KCNG4: variants seen among roughly 807,000 people sequenced by gnomAD.
KCNG4 encodes potassium voltage-gated channel modifier subfamily G member 4, also known as voltage-gated potassium channel regulatory subunit KCNG4.
Under a neutral mutation model 28.2 loss-of-function variants are expected in KCNG4, and 30 were observed. The observed-to-expected ratio is 1.06, with a 90% confidence interval of 0.80 to 1.44. KCNG4 has a LOEUF of 1.44. KCNG4 is among the 40% of genes most tolerant of loss of function. The pLI, the probability that KCNG4 is intolerant of heterozygous loss-of-function variation, is 0.00. For missense variants in KCNG4, 879 were observed against 712.3 expected, an observed-to-expected ratio of 1.23 and a Z score of -2.66; for synonymous variants, 375 against 315.5, an observed-to-expected ratio of 1.19 and a Z score of -2.00.
intron 2 of KCNG4, among the ~76,000 whole-genome samples, chr16:84,234,955 G>C (rs1904912270): frequency 6.6e-6 from 1 of 152,190 alleles, no homozygotes; most frequent in Non-Finnish European, 1.5e-5. Flanking sequence ...ACCTCAGCCT[G>C]TCTCTGGGCA....
chr16:84,236,554 A>T, intron 2 of KCNG4, 176 bp downstream of exon 2: 15 of 815,160 alleles, frequency 1.8e-5, no homozygotes, highest in African/African-American at 3.5e-5. Context: ...AAAAAAAAAG[A>T]TGGAAAATTA....
In KCNG4 at chr16:84,223,002, A is replaced by G. The variant is rs1024603329; in HGVS notation, c.775T>C (p.Cys259Arg). The G allele has an allele frequency of 6.5e-7, 1 of 1,529,952 alleles. No homozygotes were observed. The highest frequency in any genetic ancestry group is 2.1e-5 in the Admixed American group (1 of 47,654). 94.8% of individuals were successfully genotyped at this position (1,529,952 alleles called of 1,614,324 possible). A position where few individuals can be genotyped will look rare whatever the true frequency, so the allele number is the denominator to read the frequency against. ...GTCTCCACGATGAAAATATAGTAGC[A>G]CTTCCGAGAGCATTCGCCCTGCGGG... is the stretch of plus-strand genomic sequence containing the variant. ...EEDQGECSRK[C>R]YYIFIVETIC... is the part of the protein sequence containing the mutation. The change falls in exon 3 of 3, where the codon TGC (cysteine) becomes CGC (arginine). Residue 259 changes from cysteine (C) to arginine (R), a missense_variant. Physicochemically the swap from Cys to Arg is radical, Grantham distance 180. Coordinates refer to ENST00000308251, the MANE Select transcript of KCNG4 (RefSeq NM_172347.3).
chr16:84,233,450 C>T (rs902598317), intron 2 of KCNG4, among the ~76,000 whole-genome samples: 1 of 152,158 alleles, frequency 6.6e-6, no homozygotes, highest in Non-Finnish European at 1.5e-5. Context: ...TGCTTGTAAT[C>T]CTGGCAGTTT....
At position 84,236,830 on chromosome 16, in the gene KCNG4, G is replaced by T. The variant is rs774022999; in HGVS notation, c.656C>A (p.Pro219His). 6.2e-7 allele frequency: 1 copy of T among 1,613,650 alleles called. No individual in the cohort carries two copies. The highest frequency in any genetic ancestry group is 1.1e-5 in the South Asian group (1 of 91,082). ...EMVENPQSGL[P>H]GKVFACLSIL... Reference sequence around the variant, plus strand: ...GGAGAGGCAAGCGAAGACCTTCCCGGGCAGCCCGGACTGCGGGTTTTCCAC... The same window carrying T: ...GGAGAGGCAAGCGAAGACCTTCCCGTGCAGCCCGGACTGCGGGTTTTCCAC... The change falls in exon 2 of 3, where the codon CCC (proline) becomes CAC (histidine). Residue 219 changes from proline (P) to histidine (H), a missense_variant. Coordinates refer to ENST00000308251, the MANE Select transcript of KCNG4 (RefSeq NM_172347.3).
chr16:84,228,362 C>G (rs1437295115), intron 2 of KCNG4, among the ~76,000 whole-genome samples: 1 of 152,200 alleles, frequency 6.6e-6, no homozygotes, highest in East Asian at 1.9e-4. Flanking sequence ...CCCTCCCTCC[C>G]CTCCCTCCTG....
chr16:84,234,428 C>T lies in KCNG4; in HGVS notation c.756+2302G>A, dbSNP rs1904895863. ...TCCTGACCTCAGGAGATCCACCCAC[C>T]TCGGCTTCCCAGAGTGCTGAGCTTA... On this transcript the variant is annotated intron_variant, in intron 2 of 2. Coordinates refer to ENST00000308251, the MANE Select transcript of KCNG4 (RefSeq NM_172347.3). 2.6e-5 allele frequency among the ~76,000 whole-genome samples: 4 copies of T among 152,150 alleles called. No individual in the cohort carries two copies. In the South Asian group the frequency reaches 8.3e-4, roughly 32 times the overall value.
Position 84,237,060 on chromosome 16 carries a change from G to C in KCNG4, c.426C>G (p.Ser142=), listed in dbSNP as rs1904980553. The part of the protein sequence containing the change: ...LVLLQEMCAL[S]FQEELAYWGI... ...CCCAGTAGGCCAGCTCCTCCTGGAA[G>C]GACAGCGCGCACATCTCCTGCAGAA... Residue 142 remains serine, a synonymous_variant, in exon 2 of 3, where the codon TCC becomes TCG. Transcript: ENST00000308251. The C allele has an allele frequency of 1.2e-6, 2 of 1,614,004 alleles. No individual in the cohort carries two copies. Among genetic ancestry groups the C allele is most frequent in the African/African-American group, 1.3e-5 (1 of 74,930 alleles).
chr16:84,237,660 C>G (rs768603869), intron 1 of KCNG4, 135 bp from the exon 2 acceptor site: 6 of 521,706 alleles, frequency 1.2e-5, no homozygotes, highest in Non-Finnish European at 1.8e-5. Context: ...GTTCTTTTAA[C>G]CTTTAGTTCA....
intron 2 of KCNG4, among the ~76,000 whole-genome samples, chr16:84,233,335 C>T (rs553962965): frequency 3.9e-5 from 6 of 152,312 alleles, no homozygotes; most frequent in African/African-American, 1.4e-4. Flanking sequence ...AGCTGTTTTA[C>T]AAAGTCTGGC....
Position 84,237,461 on chromosome 16 carries a change from C to A in KCNG4, c.25G>T (p.Gly9Cys). MPMPSRDG[G>C]LHPRHHHYGS... ...TAGTGGTGGTGTCTGGGATGCAGGC[C>A]CCCGTCTCTGGAAGGCATGGGCATT... Residue 9 changes from glycine to cysteine, a missense_variant, in exon 2 of 3, where the codon GGC becomes TGC. Coordinates refer to ENST00000308251, the MANE Select transcript of KCNG4 (RefSeq NM_172347.3). 6.7e-7 allele frequency: 1 copy of A among 1,499,792 alleles called. No homozygotes were observed. The allele number at this position is 1,499,792 out of a possible 1,614,324, so 92.9% of individuals were successfully genotyped here.
In KCNG4 at chr16:84,221,909, T is replaced by TA. The variant is rs565658317; in HGVS notation, c.*307dup. 5.7e-4 allele frequency: 214 copies of TA among 374,526 alleles called. 1 individual carries two copies. The East Asian group carries it at 0.012, about 21-fold the overall frequency. 23.2% of individuals were successfully genotyped at this position (374,526 alleles called of 1,614,324 possible). On this transcript the variant is annotated 3_prime_UTR_variant, in exon 3 of 3. Coordinates refer to ENST00000308251, the MANE Select transcript of KCNG4 (RefSeq NM_172347.3). ...GCATCCAGAACCCAGCCTGGGATGT[T>TA]AAAGCCTCTGCTGGGAAGGAAAAGA... is the stretch of plus-strand genomic sequence containing the variant.
intron 2 of KCNG4, among the ~76,000 whole-genome samples, chr16:84,224,489 CTG>C (rs777878512): frequency 2.0e-4 from 30 of 151,980 alleles, no homozygotes; most frequent in African/African-American, 7.3e-4. Context: ...AGCAACTTCT[CTG>C]TGTAAAAGGC....
rs1283708609 is a variant in KCNG4, at chr16:84,221,491, A to T, written c.*726T>A. The T allele has an allele frequency of 6.6e-6, 1 of 151,992 alleles. No individual in the cohort carries two copies. Among genetic ancestry groups the T allele is most frequent in the Non-Finnish European group, 1.5e-5 (1 of 68,054 alleles). 9.4% of individuals were successfully genotyped at this position (151,992 alleles called of 1,614,324 possible). The stretch of plus-strand genomic sequence containing the variant: ...AAAGTGGAGTTTCTGCCCAGGTCCC[A>T]GGTCCCAGGTCCCAGGTCACAGATC... On this transcript the variant is annotated 3_prime_UTR_variant, in exon 3 of 3. Transcript: ENST00000308251.
chr16:84,225,073 C>T (rs969648093), intron 2 of KCNG4, among the ~76,000 whole-genome samples: 5 of 152,158 alleles, frequency 3.3e-5, no homozygotes, highest in African/African-American at 1.2e-4. Context: ...ACCTAGCAGG[C>T]ACAGGATGCG....
At chr16:84,236,445 G>A (rs867508246) in intron 2 of KCNG4, 48 of 481,554 alleles carry the variant, frequency 1.0e-4, no homozygotes, top group East Asian at 7.8e-4. Flanking sequence ...AGGTGACACT[G>A]TGTCTGTGTG....
Position 84,222,224 on chromosome 16 carries a change from T to A in KCNG4, c.1553A>T (p.His518Leu). ...GTCATGGGGGGTGCTGAGTTACATG[T>A]GCATGATAGGCAAGGCTGGGCCCTC... is the stretch of plus-strand genomic sequence containing the variant. The part of the protein sequence containing the change: ...ILEGPALPIM[H>L]M Residue 518 changes from histidine (H) to leucine (L), a missense_variant, in exon 3 of 3, where the codon CAC (histidine) becomes CTC (leucine). Transcript: ENST00000308251. 7 of 1,614,032 alleles carry A rather than the reference T, an allele frequency of 4.3e-6. No homozygotes were observed. Among genetic ancestry groups the A allele is most frequent in the Non-Finnish European group, 5.9e-6 (7 of 1,179,990 alleles).
chr16:84,222,240 C>T lies in KCNG4; in HGVS notation c.1537G>A (p.Ala513Thr), dbSNP rs762736463. 1 of 1,614,126 alleles carries T rather than the reference C, an allele frequency of 6.2e-7. No homozygotes were observed. Among genetic ancestry groups the T allele is most frequent in the South Asian group, 1.1e-5 (1 of 91,066 alleles). Residue 513 changes from alanine (A) to threonine (T), a missense_variant, in exon 3 of 3, where the codon GCC becomes ACC. Ala to Thr is a moderately conservative substitution (Grantham distance 58). Coordinates refer to ENST00000308251, the MANE Select transcript of KCNG4 (RefSeq NM_172347.3). The part of the protein sequence containing the change: ...DVNDLILEGP[A>T]LPIMHM ...AGTTACATGTGCATGATAGGCAAGG[C>T]TGGGCCCTCCAGGATTAGGTCATTG...
At chr16:84,229,509 G>A (rs1009539309) in intron 2 of KCNG4, among the ~76,000 whole-genome samples, 2 of 152,218 alleles carry the variant, frequency 1.3e-5, no homozygotes, top group African/African-American at 2.4e-5. Flanking sequence ...TCTCACAGCG[G>A]TTCTCCCCGT....
intron 2 of KCNG4, among the ~76,000 whole-genome samples, chr16:84,224,916 C>T (rs535066139): frequency 1.3e-5 from 2 of 152,224 alleles, no homozygotes; most frequent in Non-Finnish European, 2.9e-5. Context: ...TTACAATACT[C>T]TCAGAGCCTA....
Sources: allele counts gnomAD v4.1 joint callset (sites outside exome capture counted in the v4.1 genomes callset), GRCh38; gene constraint gnomAD v4.1.1; transcripts MANE v1.5; gene names NCBI Gene and HGNC (gene_info 2026-07-23, HGNC 2026-07-21).